PRDM15: variants seen among roughly 807,000 people sequenced by gnomAD.
The protein encoded by PRDM15 is PR/SET domain 15.
Under a neutral mutation model 128.6 loss-of-function variants are expected in PRDM15, and 64 were observed. The observed-to-expected ratio is 0.50, with a 90% CI of 0.41 to 0.61. The LOEUF (loss-of-function observed/expected upper bound fraction) is 0.61. Ranked by LOEUF, PRDM15 falls within the 20% of genes least tolerant of loss-of-function variation. The pLI is 0.00. For missense variants in PRDM15, 1,242 were observed against 1,569.1 expected (o/e 0.79, Z 3.52); for synonymous variants, 615 against 621.8 (o/e 0.99, Z 0.16).
intron 11 of PRDM15, among the ~76,000 whole-genome samples, chr21:41,829,960 A>T (rs896592795): frequency 1.3e-5 from 2 of 151,732 alleles, no homozygotes; most frequent in African/African-American, 4.9e-5. Flanking sequence ...ACAAATACAC[A>T]GTCAACACAC....
chr21:41,831,898 C>T (rs976250323), intron 11 of PRDM15, among the ~76,000 whole-genome samples: 4 of 152,212 alleles, frequency 2.6e-5, no homozygotes, highest in South Asian at 4.1e-4. Flanking sequence ...AGAGGAGCAC[C>T]GTGACAGATG....
chr21:41,835,398 C>T (rs778997754), intron 11 of PRDM15, 39 bp downstream of exon 11: 11 of 1,545,900 alleles, frequency 7.1e-6, no homozygotes, highest in Middle Eastern at 1.7e-4. Context: ...GAATCCGTAC[C>T]GCACAGCGGC....
chr21:41,860,792 G>A (rs1459557164), intron 1 of PRDM15, among the ~76,000 whole-genome samples: 1 of 152,158 alleles, frequency 6.6e-6, no homozygotes, highest in Non-Finnish European at 1.5e-5. Flanking sequence ...ACATTACGTG[G>A]TGTTCTAAAG....
rs192759158 is a variant in PRDM15 at position 41,833,879 on chromosome 21, C to T, written c.1366+1558G>A. ...CAACCTTGAGTCTGCCTCACCAGAG[C>T]GCCTTAGCTGGTAGCATCACTCTTG... is the stretch of plus-strand genomic sequence containing the variant. On this transcript the variant is annotated intron_variant, in intron 11 of 23. Transcript: ENST00000398548. Among the ~76,000 whole-genome samples the T allele has an allele frequency of 2.6e-5, 4 of 152,336 alleles. No homozygotes were observed. The East Asian group carries it at 7.7e-4, about 29-fold the overall frequency.
chr21:41,861,766 G>A (rs370063650), intron 1 of PRDM15: 70 of 1,610,532 alleles, frequency 4.3e-5, no homozygotes, highest in African/African-American at 3.9e-4. Flanking sequence ...GAGCAGTGCC[G>A]GGTTGAAAAC....
intron 16 of PRDM15, among the ~76,000 whole-genome samples, chr21:41,820,818 C>A (rs2062232567): frequency 6.6e-6 from 1 of 152,190 alleles, no homozygotes; most frequent in Non-Finnish European, 1.5e-5. Flanking sequence ...AGGGCAGGAA[C>A]CCCGCTATTT....
chr21:41,863,772 G>A (rs1421448264), intron 1 of PRDM15, among the ~76,000 whole-genome samples: 6 of 152,084 alleles, frequency 3.9e-5, no homozygotes, highest in East Asian at 3.9e-4. Context: ...CTTTGATACC[G>A]GTGAGAAGGT....
In PRDM15 at chr21:41,802,576, G is replaced by A. The variant is rs1368307251; in HGVS notation, c.2943+136C>T. 17 of 744,662 alleles carry A rather than the reference G, an allele frequency of 2.3e-5. No homozygotes were observed. The Admixed American group carries it at 3.5e-4, about 15-fold the overall frequency. 46.1% of individuals were successfully genotyped at this position (744,662 alleles called of 1,614,324 possible). A position where few individuals can be genotyped will look rare whatever the true frequency, so the allele number is the denominator to read the frequency against. Reference sequence around the variant, plus strand: ...AACATGCTTAAGTGAAAAACAGAATGTCTGCTGCCTTCAACCACATGAAGT... The same window carrying A: ...AACATGCTTAAGTGAAAAACAGAATATCTGCTGCCTTCAACCACATGAAGT... On this transcript the variant is annotated intron_variant, in intron 23 of 23. Coordinates refer to ENST00000398548, the MANE Select transcript of PRDM15 (RefSeq NM_001040424.3).
chr21:41,843,611 G>A (rs2063140872), intron 6 of PRDM15, among the ~76,000 whole-genome samples: 1 of 152,166 alleles, frequency 6.6e-6, no homozygotes, highest in Non-Finnish European at 1.5e-5. Flanking sequence ...ATAGCTCTGT[G>A]AGCAATGTGA....
In PRDM15 at chr21:41,861,736, C is replaced by G. The variant is rs904447160; in HGVS notation, c.-9-1364G>C. The G allele has an allele frequency of 3.7e-6, 6 of 1,614,048 alleles. No homozygotes were observed. The Admixed American group carries it at 8.3e-5, about 22-fold the overall frequency. On this transcript the variant is annotated intron_variant, in intron 1 of 23. Transcript: ENST00000398548. ...CAAAACTCATATGGAAACTCACAGT[C>G]ACTGAACTTGTGTGTCTGAGAGCAG...
chr21:41,854,565 C>A lies in PRDM15; in HGVS notation c.538+1G>T. 1.2e-6 allele frequency: 2 copies of A among 1,612,732 alleles called. No homozygotes were observed. Among genetic ancestry groups the A allele is most frequent in the Non-Finnish European group, 1.7e-6 (2 of 1,179,970 alleles). On this transcript the variant is annotated splice_donor_variant, in intron 5 of 23. Transcript: ENST00000398548. LOFTEE classifies it high-confidence loss of function. This position sits in a 1 kb window ranked among gnomAD's most constrained non-coding sequence, Gnocchi z 4.6. Reference sequence around the variant, plus strand: ...GCTCCGGATCGGGGGCCGCCACATACCGTGGACGCCAGAGCCGGCCTGCTT... The same window carrying A: ...GCTCCGGATCGGGGGCCGCCACATAACGTGGACGCCAGAGCCGGCCTGCTT...
Position 41,828,398 on chromosome 21 carries a change from C to A in PRDM15, c.1367-65G>T, listed in dbSNP as rs1258995359. 2.6e-6 allele frequency: 4 copies of A among 1,567,854 alleles called. No homozygotes were observed. In the East Asian group the frequency reaches 6.7e-5, roughly 26 times the overall value. ...AAATAACATCTCACGCAGGCACGCA[C>A]GTGTGGCCTGAACGTCAATAAAGCG... On this transcript the variant is annotated intron_variant, in intron 11 of 23. Coordinates refer to ENST00000398548, the MANE Select transcript of PRDM15 (RefSeq NM_001040424.3). This position sits in a 1 kb window ranked among gnomAD's most constrained non-coding sequence, Gnocchi z 5.7.
rs1231793117 is a variant in PRDM15, at chr21:41,810,699, C to T, written c.2476+54G>A. ...TCCACCCCAGCAGGCACTCAGACAG[C>T]CCCGGCAGCCTGCCGCGTGCGCCCC... On this transcript the variant is annotated intron_variant, in intron 20 of 23. Coordinates refer to ENST00000398548, the MANE Select transcript of PRDM15 (RefSeq NM_001040424.3). This position sits in a 1 kb window ranked among gnomAD's most constrained non-coding sequence, Gnocchi z 6.4. 2.8e-6 allele frequency: 4 copies of T among 1,417,120 alleles called. No homozygotes were observed. In the African/African-American group the frequency reaches 4.2e-5, roughly 15 times the overall value. 87.8% of individuals were successfully genotyped at this position (1,417,120 alleles called of 1,614,324 possible).
At chr21:41,808,345 G>C (rs1347681759) in intron 21 of PRDM15, among the ~76,000 whole-genome samples, 2 of 152,216 alleles carry the variant, frequency 1.3e-5, no homozygotes, top group East Asian at 3.8e-4. Flanking sequence ...CCCGCTGAGT[G>C]GGGCACAGGG....
chr21:41,872,443 A>C (rs186114490), intron 1 of PRDM15, among the ~76,000 whole-genome samples: 31 of 152,376 alleles, frequency 2.0e-4, no homozygotes, highest in Admixed American at 1.8e-3. Context: ...TCATTATTAA[A>C]ACATTTTTTT....
intron 1 of PRDM15, among the ~76,000 whole-genome samples, chr21:41,868,498 G>T (rs2064093891): frequency 6.6e-6 from 1 of 151,992 alleles, no homozygotes; most frequent in South Asian, 2.1e-4. Context: ...CCAGCATCTG[G>T]TGGGTCACTA....
chr21:41,877,735 G>C (rs985182306), intron 1 of PRDM15: 3 of 152,202 alleles, frequency 2.0e-5, no homozygotes, highest in Non-Finnish European at 4.4e-5. Context: ...TCCAACTACA[G>C]TTGATTTTTA....
At chr21:41,815,087 G>A (rs962885234) in intron 19 of PRDM15, 21 of 154,778 alleles carry the variant, frequency 1.4e-4, no homozygotes, top group Admixed American at 9.8e-4. Context: ...TAGAGATGGC[G>A]CAGGCTGCTG....
rs762181676 is a variant in PRDM15 at position 41,854,582 on chromosome 21, G to A, written c.522C>T (p.Ala174=). The A allele has an allele frequency of 5.1e-5, 83 of 1,613,184 alleles. 1 individual carries two copies. Among genetic ancestry groups the A allele is most frequent in the South Asian group, 3.6e-4 (33 of 91,094 alleles). Residue 174 remains alanine (A), a synonymous_variant, in exon 5 of 24, where the codon GCC becomes GCT. Coordinates refer to ENST00000398548, the MANE Select transcript of PRDM15 (RefSeq NM_001040424.3). This position sits in a 1 kb window ranked among gnomAD's most constrained non-coding sequence, Gnocchi z 4.6. ...KKMDKPMLKQ[A]GSGVHAAGTP... ...GCCACATACCGTGGACGCCAGAGCCGGCCTGCTTCAGCATGGGCTTGTCCA... is the reference window on the plus strand; with the variant it reads ...GCCACATACCGTGGACGCCAGAGCCAGCCTGCTTCAGCATGGGCTTGTCCA...
Sources: allele counts gnomAD v4.1 joint callset (sites outside exome capture counted in the v4.1 genomes callset), GRCh38; gene constraint gnomAD v4.1.1; non-coding constraint Gnocchi (gnomAD v3.1); transcripts MANE v1.5; gene names NCBI Gene and HGNC (gene_info 2026-07-23, HGNC 2026-07-21).